The following AGMO variants were observed in gnomAD, a reference collection of about 807,000 sequenced individuals.
AGMO encodes glyceryl-ether monooxygenase.
A neutral mutation model predicts 60.2 loss-of-function variants in AGMO; 75 were observed. That is an observed-to-expected ratio of 1.25 (90% confidence interval 1.03 to 1.51). AGMO has a LOEUF of 1.51. AGMO is among the 40% of genes most tolerant of loss of function. The pLI, the probability that AGMO is intolerant of heterozygous loss-of-function variation, is 0.00. For synonymous variants in AGMO, 261 were observed against 177.1 expected (o/e 1.47, Z -3.76); for missense variants, 763 against 525.5 (o/e 1.45, Z -4.42).
At chr7:15,156,324 G>C in the AGMO span, among the ~76,000 whole-genome samples, 1 of 150,948 alleles carries the variant, frequency 6.6e-6, no homozygotes, top group African/African-American at 2.4e-5. Flanking sequence ...CAGCAAGCAA[G>C]TGTAATTAGG....
chr7:15,300,471 C>T (rs747229977), intron 12 of AGMO, among the ~76,000 whole-genome samples: 10 of 151,970 alleles, frequency 6.6e-5, no homozygotes, highest in Admixed American at 1.3e-4. Context: ...GTGGCTGACA[C>T]ATTCATTGTT....
rs894748816 is a variant in AGMO at position 15,550,102 on chromosome 7, C to T, written c.258-5179G>A. Among the ~76,000 whole-genome samples the T allele has an allele frequency of 6.5e-4, 99 of 152,012 alleles. 1 individual carries two copies. The highest frequency in any genetic ancestry group is 9.0e-4 in the Non-Finnish European group (61 of 67,970). On this transcript the variant is annotated intron_variant, in intron 2 of 12. Transcript: ENST00000342526. ...AACGAAATGAAGGCAGAAATAAAGACGTTCTTTGAAACCAACGAGAACAAA... is the reference window on the plus strand; with the variant it reads ...AACGAAATGAAGGCAGAAATAAAGATGTTCTTTGAAACCAACGAGAACAAA...
chr7:15,231,933 A>G (rs1427153521), intron 12 of AGMO, among the ~76,000 whole-genome samples: 1 of 152,220 alleles, frequency 6.6e-6, no homozygotes, highest in Admixed American at 6.5e-5. Flanking sequence ...ACAGATTGTT[A>G]GAAAAATGCC....
At chr7:15,345,510 T>C (rs1782002265) in intron 12 of AGMO, among the ~76,000 whole-genome samples, 1 of 152,212 alleles carries the variant, frequency 6.6e-6, no homozygotes, top group African/African-American at 2.4e-5. Context: ...GAGTGTGCTG[T>C]GCATAACATT....
intron 12 of AGMO, among the ~76,000 whole-genome samples, chr7:15,349,379 C>T (rs1782150202): frequency 6.6e-6 from 1 of 152,060 alleles, no homozygotes; most frequent in African/African-American, 2.4e-5. Flanking sequence ...GTTTTGTCTA[C>T]TTTGATTATT....
At chr7:15,216,334 T>C (rs1294223444) in intron 12 of AGMO, among the ~76,000 whole-genome samples, 2 of 152,122 alleles carry the variant, frequency 1.3e-5, no homozygotes, top group Non-Finnish European at 2.9e-5. Context: ...GGGGAATTGT[T>C]AATGGGCGTT....
At chr7:15,173,303 T>C in the AGMO span, among the ~76,000 whole-genome samples, 1 of 152,124 alleles carries the variant, frequency 6.6e-6, no homozygotes, top group Admixed American at 6.6e-5. Flanking sequence ...TTCCTATTTC[T>C]TGAAAACAAA....
chr7:15,166,954 T>C, the AGMO span, among the ~76,000 whole-genome samples: 2 of 152,152 alleles, frequency 1.3e-5, no homozygotes, highest in Non-Finnish European at 2.9e-5. Flanking sequence ...CTCTTATCCA[T>C]TCAGTAGAAT....
chr7:15,118,149 G>A, the AGMO span, among the ~76,000 whole-genome samples: 9 of 140,186 alleles, frequency 6.4e-5, no homozygotes, highest in African/African-American at 1.9e-4. Flanking sequence ...TAAATTGGCC[G>A]GAATTTAAAA....
At chr7:15,463,324 T>C (rs1276399449) in intron 3 of AGMO, among the ~76,000 whole-genome samples, 1 of 152,140 alleles carries the variant, frequency 6.6e-6, no homozygotes, top group African/African-American at 2.4e-5. Context: ...GTTTACTTGA[T>C]GCTTACTTCT....
chr7:15,496,641 A>C (rs1783240801), intron 3 of AGMO, among the ~76,000 whole-genome samples: 1 of 152,146 alleles, frequency 6.6e-6, no homozygotes, highest in Non-Finnish European at 1.5e-5. Flanking sequence ...CACATGAAAA[A>C]GTTCATTGTA....
chr7:15,216,792 T>C (rs1781750010), intron 12 of AGMO, among the ~76,000 whole-genome samples: 1 of 151,710 alleles, frequency 6.6e-6, no homozygotes, highest in African/African-American at 2.4e-5. Context: ...TGAGCATGCA[T>C]TACGTTCCTA....
At chr7:15,288,504 GA>G (rs1784164605) in intron 12 of AGMO, among the ~76,000 whole-genome samples, 1 of 151,898 alleles carries the variant, frequency 6.6e-6, no homozygotes, top group South Asian at 2.1e-4. Flanking sequence ...TAGGAAAGAT[GA>G]AAGAATCATT....
rs35756210 is a variant in AGMO, at chr7:15,430,595, G to GTT, written c.513+408_513+409dup. 2.1e-3 allele frequency among the ~76,000 whole-genome samples: 280 copies of GTT among 134,308 alleles called. 1 individual carries two copies. The highest frequency in any genetic ancestry group is 5.9e-3 in the African/African-American group (210 of 35,740). 88.1% of individuals were successfully genotyped at this position (134,308 alleles called of 152,430 possible). A position where few individuals can be genotyped will look rare whatever the true frequency, so the allele number is the denominator to read the frequency against. On this transcript the variant is annotated intron_variant, in intron 4 of 12. Transcript: ENST00000342526. The stretch of plus-strand genomic sequence containing the variant: ...TCAACTAGATTTTAGAGAATTAGTT[G>GTT]TTTTTTTTAAAAAAAAAAAACAACT...
At chr7:15,542,187 G>A (rs1315962682) in intron 3 of AGMO, among the ~76,000 whole-genome samples, 1 of 152,070 alleles carries the variant, frequency 6.6e-6, no homozygotes, top group African/African-American at 2.4e-5. Flanking sequence ...GTTGAAGGTT[G>A]ATACATTTAA....
rs376998695 is a variant in AGMO, at chr7:15,242,802, T to A, written c.1264-41443A>T. Among the ~76,000 whole-genome samples, 4 of 152,126 alleles carry A rather than the reference T, an allele frequency of 2.6e-5. No homozygotes were observed. The East Asian group carries it at 5.8e-4, about 22-fold the overall frequency. On this transcript the variant is annotated intron_variant, in intron 12 of 12. Transcript: ENST00000342526. ...TATAAAATAAATATGTGAAACAATG[T>A]CACCTGATAATTATACTAGTTATTT...
chr7:15,298,040 A>G (rs907368202), intron 12 of AGMO, among the ~76,000 whole-genome samples: 2 of 152,188 alleles, frequency 1.3e-5, no homozygotes, highest in African/African-American at 4.8e-5. Flanking sequence ...CATTAAAGGG[A>G]GCCATACAAA....
At chr7:15,271,439 A>C (rs1243906822) in intron 12 of AGMO, among the ~76,000 whole-genome samples, 1 of 152,102 alleles carries the variant, frequency 6.6e-6, no homozygotes, top group Non-Finnish European at 1.5e-5. Flanking sequence ...ATTGTAAATG[A>C]GATTGAGTTT....
chr7:15,478,462 G>C (rs1782655787), intron 3 of AGMO, among the ~76,000 whole-genome samples: 1 of 152,124 alleles, frequency 6.6e-6, no homozygotes, highest in Admixed American at 6.6e-5. Flanking sequence ...CTGTGGGTCA[G>C]ACTGTAAAGT....
Sources: allele counts gnomAD v4.1 joint callset (sites outside exome capture counted in the v4.1 genomes callset), GRCh38; gene constraint gnomAD v4.1.1; transcripts MANE v1.5; gene names NCBI Gene and HGNC (gene_info 2026-07-23, HGNC 2026-07-21).